The following MTMR7 variants were observed in gnomAD, a reference collection of about 807,000 sequenced individuals.
The protein encoded by MTMR7 is myotubularin related protein 7, also known as phosphatidylinositol-3-phosphate phosphatase MTMR7.
Under a neutral mutation model 81.2 loss-of-function variants are expected in MTMR7, and 76 were observed. That is an observed-to-expected ratio of 0.94 (90% CI 0.78 to 1.13). The LOEUF is 1.13. Ranked by LOEUF, MTMR7 falls within the 50% of genes most tolerant of loss-of-function variation. MTMR7 has a pLI of 0.00. For synonymous variants in MTMR7, 372 were observed against 289.8 expected, an observed-to-expected ratio of 1.28 and a Z score of -2.88; for missense variants, 1,044 against 820.0, an observed-to-expected ratio of 1.27 and a Z score of -3.34.
At chr8:17,388,199 T>C (rs929652747) in intron 1 of MTMR7, among the ~76,000 whole-genome samples, 11 of 152,170 alleles carry the variant, frequency 7.2e-5, no homozygotes, top group Non-Finnish European at 1.5e-4. Context: ...CCTGGATATG[T>C]AGGCTTAAAA....
intron 1 of MTMR7, among the ~76,000 whole-genome samples, chr8:17,383,411 T>C (rs1350321664): frequency 6.6e-6 from 1 of 152,188 alleles, no homozygotes; most frequent in African/African-American, 2.4e-5. Flanking sequence ...ATTATCCACA[T>C]GCTACTTCTA....
At chr8:17,369,644 T>A (rs1820347110) in intron 3 of MTMR7, among the ~76,000 whole-genome samples, 1 of 121,282 alleles carries the variant, frequency 8.2e-6, no homozygotes, top group African/African-American at 3.4e-5. Context: ...TTTTTTTCTT[T>A]TTTTTTTTTT....
In MTMR7 at chr8:17,305,935, G is replaced by T. The variant is rs1225362237; in HGVS notation, c.1174C>A (p.Pro392Thr). 3 of 1,612,888 alleles carry T rather than the reference G, an allele frequency of 1.9e-6. No homozygotes were observed. Among genetic ancestry groups the T allele is most frequent in the South Asian group, 2.2e-5 (2 of 90,984 alleles). Residue 392 changes from proline to threonine, a missense_variant, in exon 11 of 14, where the codon CCA (proline) becomes ACA (threonine). By Grantham distance (38) the Pro-to-Thr change is conservative. Transcript: ENST00000180173. ...TCAATAACTGGAGAGATTTCTTTTG[G>T]GTCACCATCTAGATTGCCATATCTA... Reference protein sequence around the residue: ...NHRYGNLDGDPKEISPVIDQF... With the variant: ...NHRYGNLDGDTKEISPVIDQF...
rs145091155 is a variant in MTMR7 at position 17,362,879 on chromosome 8, G to A, written c.311-1605C>T. Among the ~76,000 whole-genome samples, 17 of 152,286 alleles carry A rather than the reference G, an allele frequency of 1.1e-4. No individual in the cohort carries two copies. In the South Asian group the frequency reaches 3.1e-3, roughly 28 times the overall value. ...ACATGAAAACTCAGGTTTCAAACTT[G>A]AGATGACTCATCTGCATGGAAGAGG... is the stretch of plus-strand genomic sequence containing the variant. On this transcript the variant is annotated intron_variant, in intron 3 of 13. Transcript: ENST00000180173.
At chr8:17,387,032 G>T (rs1398640795) in intron 1 of MTMR7, among the ~76,000 whole-genome samples, 1 of 152,128 alleles carries the variant, frequency 6.6e-6, no homozygotes, top group East Asian at 1.9e-4. Context: ...CCCCACTGCT[G>T]CTAACCGGGC....
chr8:17,302,718 C>CT (rs1323273679), intron 12 of MTMR7, among the ~76,000 whole-genome samples: 35 of 87,780 alleles, frequency 4.0e-4, no homozygotes, highest in African/African-American at 1.2e-3. Flanking sequence ...CCCCCCCCCG[C>CT]TTTTTTTTTT....
chr8:17,411,927 G>A (rs1335775591), intron 1 of MTMR7, among the ~76,000 whole-genome samples: 2 of 152,232 alleles, frequency 1.3e-5, no homozygotes, highest in African/African-American at 4.8e-5. Context: ...CATGGAAGGA[G>A]GAAGAATGCC....
At chr8:17,393,626 CT>C (rs1295800640) in intron 1 of MTMR7, among the ~76,000 whole-genome samples, 1 of 152,126 alleles carries the variant, frequency 6.6e-6, no homozygotes, top group Non-Finnish European at 1.5e-5. Flanking sequence ...CATGTTTTCA[CT>C]TGTAAGTGGA....
intron 8 of MTMR7, chr8:17,311,886 TTAC>T (rs1247142488): frequency 2.1e-6 from 1 of 467,796 alleles, no homozygotes; most frequent in African/African-American, 2.0e-5. Context: ...GCGCATGTAC[TTAC>T]TAAACATAAG....
intron 2 of MTMR7, among the ~76,000 whole-genome samples, chr8:17,372,795 G>C (rs1820459039): frequency 6.6e-6 from 1 of 152,084 alleles, no homozygotes; most frequent in African/African-American, 2.4e-5. Context: ...TGCAAATGGA[G>C]CACTGGAGGA....
Position 17,304,521 on chromosome 8 carries a change from T to A in MTMR7, c.1353-2A>T. 1 of 1,612,858 alleles carries A rather than the reference T, an allele frequency of 6.2e-7. No individual in the cohort carries two copies. The highest frequency in any genetic ancestry group is 8.5e-7 in the Non-Finnish European group (1 of 1,179,074). Reference sequence around the variant, plus strand: ...AATGAGTATGTTCTTTCTTGAATCCTGTTATAAAGAAAATAAGTCTATAAA... The same window carrying A: ...AATGAGTATGTTCTTTCTTGAATCCAGTTATAAAGAAAATAAGTCTATAAA... On this transcript the variant is annotated splice_acceptor_variant, in intron 11 of 13. Coordinates refer to ENST00000180173, the MANE Select transcript of MTMR7 (RefSeq NM_004686.5). LOFTEE classifies it high-confidence loss of function.
chr8:17,334,927 A>G (rs1329209983), intron 6 of MTMR7, among the ~76,000 whole-genome samples: 3 of 152,196 alleles, frequency 2.0e-5, no homozygotes, highest in Non-Finnish European at 4.4e-5. Flanking sequence ...GGCATTCTAC[A>G]TAACCAATGA....
chr8:17,374,163 G>A (rs576315578), intron 1 of MTMR7, among the ~76,000 whole-genome samples: 10 of 152,270 alleles, frequency 6.6e-5, no homozygotes, highest in South Asian at 2.1e-4. Flanking sequence ...AGGAACTAAC[G>A]CATTGTATTC....
intron 7 of MTMR7, among the ~76,000 whole-genome samples, chr8:17,329,504 G>A (rs992324550): frequency 6.6e-6 from 1 of 152,152 alleles, no homozygotes; most frequent in Admixed American, 6.5e-5. Context: ...CAGGAGAAAT[G>A]GTTCCTGACG....
chr8:17,399,129 G>T (rs567785537), intron 1 of MTMR7, among the ~76,000 whole-genome samples: 127 of 151,436 alleles, frequency 8.4e-4, no homozygotes, highest in African/African-American at 3.0e-3. Flanking sequence ...GTCCAAGCTA[G>T]ATCAATCAGA....
intron 1 of MTMR7, among the ~76,000 whole-genome samples, chr8:17,400,850 T>C (rs923904067): frequency 1.3e-5 from 2 of 152,168 alleles, no homozygotes; most frequent in African/African-American, 2.4e-5. Flanking sequence ...TAAGAATAGA[T>C]TGTCTAAGCC....
chr8:17,330,673 G>A (rs879666388), intron 7 of MTMR7, among the ~76,000 whole-genome samples: 2 of 152,196 alleles, frequency 1.3e-5, no homozygotes, highest in Admixed American at 6.5e-5. Context: ...GGAGGTGGCG[G>A]GAGGTTACAT....
In MTMR7 at chr8:17,311,514, G is replaced by A. The variant is rs1817778853; in HGVS notation, c.1098C>T (p.Phe366=). 6.2e-7 allele frequency: 1 copy of A among 1,613,942 alleles called. No individual in the cohort carries two copies. Among genetic ancestry groups the A allele is most frequent in the African/African-American group, 1.3e-5 (1 of 74,900 alleles). The change falls in exon 9 of 14, where the codon TTC becomes TTT. Residue 366 remains phenylalanine (F), a synonymous_variant. Coordinates refer to ENST00000180173, the MANE Select transcript of MTMR7 (RefSeq NM_004686.5). ...ATCGCCCAGTGGCCACACTCACCAT[G>A]AAGCCCTTCAGAGTCCGGTAGTGAG... ...LDPHYRTLKG[F]MVLIEKDWIS... is the part of the protein sequence containing the mutation.
At chr8:17,329,621 C>T (rs1818888200) in intron 7 of MTMR7, among the ~76,000 whole-genome samples, 1 of 152,176 alleles carries the variant, frequency 6.6e-6, no homozygotes, top group Admixed American at 6.5e-5. Context: ...TCCAGGTCAT[C>T]TTATGAAATG....
Sources: gnomAD v4.1 joint callset for allele counts (sites outside exome capture counted in the v4.1 genomes callset) on GRCh38, gnomAD v4.1.1 for gene constraint, MANE v1.5 for transcripts, NCBI Gene and HGNC (gene_info 2026-07-23, HGNC 2026-07-21) for gene names.